Variants in CFAP54 observed in about 807,000 individuals in gnomAD.
CFAP54 encodes the protein cilia and flagella associated protein 54.
In CFAP54, 290 loss-of-function variants were observed where a neutral mutation model predicts 370.4. The observed-to-expected ratio is 0.78, with a 90% CI of 0.71 to 0.86. The LOEUF is 0.86. Among genes scored for constraint, CFAP54 ranks in the 40% least tolerant of loss-of-function variants. The pLI is 0.00. For synonymous variants in CFAP54, 1,206 were observed against 1,236.5 expected, an observed-to-expected ratio of 0.98 and a Z score of 0.52; for missense variants, 3,399 against 3,528.7, an observed-to-expected ratio of 0.96 and a Z score of 0.93.
At chr12:96,576,035 C>G (rs1259944860) in intron 19 of CFAP54, among the ~76,000 whole-genome samples, 1 of 151,968 alleles carries the variant, frequency 6.6e-6, no homozygotes, top group African/African-American at 2.4e-5. Flanking sequence ...TATGTGTTAT[C>G]TCTCTGCATA....
At chr12:96,742,312 C>T (rs1161991895) in intron 51 of CFAP54, 127 bp from the exon 52 acceptor site, 1 of 622,336 alleles carries the variant, frequency 1.6e-6, no homozygotes, top group Non-Finnish European at 2.6e-6. Context: ...AGAATCATTT[C>T]TAAATTTAAA....
At position 96,541,213 on chromosome 12, in the gene CFAP54, C is replaced by T. The variant is rs566592568; in HGVS notation, c.2077+226C>T. On this transcript the variant is annotated intron_variant, in intron 14 of 67. Coordinates refer to ENST00000524981, the MANE Select transcript of CFAP54 (RefSeq NM_001306084.2). ...AAAATCCTTTTTGTCTTCTCATATT[C>T]CTTTTCTCTGTTCCTAATTACTGCC... Among the ~76,000 whole-genome samples, 7 of 151,992 alleles carry T rather than the reference C, an allele frequency of 4.6e-5. No individual in the cohort carries two copies. In the East Asian group the frequency reaches 1.2e-3, roughly 25 times the overall value.
chr12:96,658,435 C>G lies in CFAP54; in HGVS notation c.5460+89C>G, dbSNP rs1592693144. On this transcript the variant is annotated intron_variant, in intron 38 of 67. Coordinates refer to ENST00000524981, the MANE Select transcript of CFAP54 (RefSeq NM_001306084.2). ...ACAAAGATTTAGAAGTCAGATAAAT[C>G]TTATTATTTCTGCTTTAGTATTTCC... The G allele has an allele frequency of 4.2e-6, 6 of 1,428,822 alleles. No individual in the cohort carries two copies. In the East Asian group the frequency reaches 1.4e-4, roughly 33 times the overall value. The allele number at this position is 1,428,822 out of a possible 1,614,324, so 88.5% of individuals were successfully genotyped here. A position where few individuals can be genotyped will look rare whatever the true frequency, so the allele number is the denominator to read the frequency against.
At chr12:96,715,034 A>G (rs1052112113) in intron 48 of CFAP54, among the ~76,000 whole-genome samples, 2 of 152,176 alleles carry the variant, frequency 1.3e-5, no homozygotes, top group African/African-American at 4.8e-5. Flanking sequence ...GGAGAGATGT[A>G]TTGTGGGTAT....
chr12:96,548,290 A>G (rs1407596173), intron 15 of CFAP54, among the ~76,000 whole-genome samples: 1 of 152,152 alleles, frequency 6.6e-6, no homozygotes, highest in Admixed American at 6.5e-5. Flanking sequence ...CCTACCTAGG[A>G]GTAACTCCTA....
intron 26 of CFAP54, among the ~76,000 whole-genome samples, chr12:96,612,360 G>A (rs1403889195): frequency 6.6e-6 from 1 of 152,176 alleles, no homozygotes; most frequent in Non-Finnish European, 1.5e-5. Context: ...TCACCACCAG[G>A]CCTGCCCTAC....
chr12:96,834,373 G>A (rs538344049), intron 66 of CFAP54, among the ~76,000 whole-genome samples: 18 of 152,336 alleles, frequency 1.2e-4, no homozygotes, highest in Admixed American at 1.1e-3. Flanking sequence ...TCTGCCCAAT[G>A]GCAGGCTGCG....
At chr12:96,590,148 C>T (rs766329233) in intron 23 of CFAP54, among the ~76,000 whole-genome samples, 4 of 152,094 alleles carry the variant, frequency 2.6e-5, no homozygotes, top group African/African-American at 4.8e-5. Context: ...TCAGTTATAT[C>T]GTAAAACACA....
At chr12:96,591,550 G>T (rs1956124316) in intron 23 of CFAP54, among the ~76,000 whole-genome samples, 1 of 152,102 alleles carries the variant, frequency 6.6e-6, no homozygotes, top group Non-Finnish European at 1.5e-5. Flanking sequence ...GGTCGAGCCT[G>T]GAGGACATAA....
At chr12:96,688,796 T>C in intron 42 of CFAP54, 120 bp from the exon 43 acceptor site, 2 of 538,060 alleles carry the variant, frequency 3.7e-6, no homozygotes, top group South Asian at 4.9e-5. Context: ...TTCTTATATA[T>C]TTATATGTAT....
intron 47 of CFAP54, among the ~76,000 whole-genome samples, chr12:96,705,749 A>C (rs1957540117): frequency 6.6e-6 from 1 of 152,182 alleles, no homozygotes; most frequent in Admixed American, 6.5e-5. Flanking sequence ...TTCAGATTAT[A>C]CTTTATGTTT....
rs143825313 is a variant in CFAP54 at position 96,751,763 on chromosome 12, G to A, written c.7685-1980G>A. 9.4e-3 allele frequency among the ~76,000 whole-genome samples: 1,431 copies of A among 152,242 alleles called. 87 individuals are homozygous for A. Among genetic ancestry groups the A allele is most frequent in the Admixed American group, 0.087 (1,335 of 15,278 alleles). ...TATTCAATTCAATCCCCTTGAACAA[G>A]TCATTTAACTTCCCTTGTTTTCATT... On this transcript the variant is annotated intron_variant, in intron 55 of 67. Transcript: ENST00000524981.
chr12:96,526,534 C>T (rs1955383365), intron 8 of CFAP54, among the ~76,000 whole-genome samples: 1 of 152,180 alleles, frequency 6.6e-6, no homozygotes, highest in Non-Finnish European at 1.5e-5. Flanking sequence ...TGTCCAGACA[C>T]ACAAAATCTC....
chr12:96,549,422 G>A (rs182417886), intron 15 of CFAP54, among the ~76,000 whole-genome samples: 69 of 152,298 alleles, frequency 4.5e-4, no homozygotes, highest in African/African-American at 1.5e-3. Context: ...CTCTCTTAAA[G>A]ATAATTTATT....
chr12:96,723,275 G>C (rs960675653), intron 50 of CFAP54, among the ~76,000 whole-genome samples: 19 of 152,130 alleles, frequency 1.2e-4, no homozygotes, highest in African/African-American at 4.6e-4. Context: ...GCTCCGTTAG[G>C]GGGTATAAAT....
At chr12:96,602,998 T>G (rs971894898) in intron 26 of CFAP54, among the ~76,000 whole-genome samples, 2 of 152,246 alleles carry the variant, frequency 1.3e-5, no homozygotes, top group Non-Finnish European at 2.9e-5. Flanking sequence ...ATCATGTCGT[T>G]ACAATGCTAG....
chr12:96,716,262 T>C (rs1957677395), intron 48 of CFAP54, among the ~76,000 whole-genome samples: 1 of 152,262 alleles, frequency 6.6e-6, no homozygotes, highest in Non-Finnish European at 1.5e-5. Flanking sequence ...AAGAGATCTA[T>C]TTCTTTTATT....
At chr12:96,849,967 G>C (rs560539798) in intron 66 of CFAP54, among the ~76,000 whole-genome samples, 1 of 151,986 alleles carries the variant, frequency 6.6e-6, no homozygotes, top group African/African-American at 2.4e-5. Context: ...ACCCTTTCCC[G>C]GGCAATTTGG....
chr12:96,815,457 C>A (rs564092633), intron 64 of CFAP54, among the ~76,000 whole-genome samples: 5 of 151,910 alleles, frequency 3.3e-5, no homozygotes, highest in Non-Finnish European at 7.4e-5. Flanking sequence ...GATATTAGAC[C>A]TTTGTCAGAT....
Sources: gnomAD v4.1 joint callset for allele counts (sites outside exome capture counted in the v4.1 genomes callset) on GRCh38, gnomAD v4.1.1 for gene constraint, MANE v1.5 for transcripts, NCBI Gene and HGNC (gene_info 2026-07-23, HGNC 2026-07-21) for gene names.